Variants in NATD1 observed in about 807,000 individuals in gnomAD.
NATD1 encodes protein NATD1.
NATD1 carries 9 observed loss-of-function variants against 12.0 expected under a neutral mutation model. The ratio of observed to expected loss-of-function variants is 0.75; its 90% CI spans 0.45 to 1.30. The LOEUF (loss-of-function observed/expected upper bound fraction) is 1.30. Ranked by LOEUF, NATD1 falls within the 50% of genes most tolerant of loss-of-function variation. The pLI is 0.00. For synonymous variants in NATD1, 71 were observed against 65.9 expected, an observed-to-expected ratio of 1.08 and a Z score of -0.37; for missense variants, 148 against 148.5, an observed-to-expected ratio of 1.00 and a Z score of 0.02.
intron 2 of NATD1, among the ~76,000 whole-genome samples, chr17:21,243,815 C>G (rs920592851): frequency 6.6e-6 from 1 of 152,196 alleles, no homozygotes; most frequent in African/African-American, 2.4e-5. Context: ...CAAACCTGCT[C>G]TCCAGGCAGC....
intron 1 of NATD1, among the ~76,000 whole-genome samples, chr17:21,250,367 A>G (rs1465328432): frequency 6.6e-6 from 1 of 152,094 alleles, no homozygotes; most frequent in Non-Finnish European, 1.5e-5. Context: ...TCCTAGACAC[A>G]TGATTGTAAA....
At chr17:21,251,714 T>G (rs1975378425) in intron 1 of NATD1, among the ~76,000 whole-genome samples, 1 of 152,240 alleles carries the variant, frequency 6.6e-6, no homozygotes, top group African/African-American at 2.4e-5. Flanking sequence ...ATCGGAGATC[T>G]GGCAGAGGCC....
intron 1 of NATD1, among the ~76,000 whole-genome samples, chr17:21,246,929 G>C (rs1016963596): frequency 6.6e-6 from 1 of 152,198 alleles, no homozygotes; most frequent in African/African-American, 2.4e-5. Context: ...CAAACAAGCC[G>C]GGAGTGAGGG....
chr17:21,243,809 C>T (rs1370304532), intron 2 of NATD1, among the ~76,000 whole-genome samples: 1 of 152,166 alleles, frequency 6.6e-6, no homozygotes, highest in Non-Finnish European at 1.5e-5. Context: ...TAAGCCCAAA[C>T]CTGCTCTCCA....
At position 21,244,021 on chromosome 17, in the gene NATD1, C is replaced by T; in HGVS notation, c.225+85G>A. ...AGGGCCAAGAAGCAGGCTGAAGTGGCCACCAGGGCCACCGTCTCCTCGGAG... is the reference window on the plus strand; with the variant it reads ...AGGGCCAAGAAGCAGGCTGAAGTGGTCACCAGGGCCACCGTCTCCTCGGAG... On this transcript the variant is annotated intron_variant, in intron 2 of 2. Transcript: ENST00000611551. The surrounding 1 kb of genome is among the most constrained non-coding windows in gnomAD (Gnocchi z 5.2). The T allele has an allele frequency of 7.9e-7, 1 of 1,258,868 alleles. No homozygotes were observed. 78.0% of individuals were successfully genotyped at this position (1,258,868 alleles called of 1,614,324 possible).
rs1484215584 is a variant in NATD1 at position 21,245,130 on chromosome 17, G to A, written c.107-906C>T. Among the ~76,000 whole-genome samples, 4 of 152,264 alleles carry A rather than the reference G, an allele frequency of 2.6e-5. No homozygotes were observed. In the East Asian group the frequency reaches 7.7e-4, roughly 29 times the overall value. On this transcript the variant is annotated intron_variant, in intron 1 of 2. Coordinates refer to ENST00000611551, the MANE Select transcript of NATD1 (RefSeq NM_152914.3). ...GGGGCAGGTGAAGACAGGAAGGAGA[G>A]GGCACCAGCCATTCTGAGGGAACAG...
At chr17:21,250,736 T>A (rs1255800614) in intron 1 of NATD1, among the ~76,000 whole-genome samples, 1 of 152,170 alleles carries the variant, frequency 6.6e-6, no homozygotes, top group African/African-American at 2.4e-5. Flanking sequence ...TAGAACACTG[T>A]AAATGCTTAA....
In NATD1 at chr17:21,253,248, GC is replaced by G; in HGVS notation, c.16del (p.Ala6ProfsTer81). 1.0e-6 allele frequency: 1 copy of G among 996,872 alleles called. No individual in the cohort carries two copies. Among genetic ancestry groups the G allele is most frequent in the Non-Finnish European group, 1.2e-6 (1 of 838,920 alleles). 61.8% of individuals were successfully genotyped at this position (996,872 alleles called of 1,614,324 possible). Reference sequence around the variant, plus strand: ...CTCCAGCGCGCCCAGCGGCACGGCGGCAGCCGAGTGCGCCATCTGCGCGCGG... The same window carrying G: ...CTCCAGCGCGCCCAGCGGCACGGCGGAGCCGAGTGCGCCATCTGCGCGCGG... MAHSA[A>X]AVPLGALEQG... On this transcript the variant is annotated frameshift_variant, in exon 1 of 3. Transcript: ENST00000611551. LOFTEE classifies it high-confidence loss of function.
In NATD1 at chr17:21,244,697, G is replaced by C. The variant is rs529295137; in HGVS notation, c.107-473C>G. ...CGCCACGCATCAGGACCACCTGCTG[G>C]ACCCTGAGAGAGACGCAGCAGGAAA... On this transcript the variant is annotated intron_variant, in intron 1 of 2. Coordinates refer to ENST00000611551, the MANE Select transcript of NATD1 (RefSeq NM_152914.3). The surrounding 1 kb of genome is among the most constrained non-coding windows in gnomAD (Gnocchi z 5.2). 6.6e-6 allele frequency among the ~76,000 whole-genome samples: 1 copy of C among 152,312 alleles called. No individual in the cohort carries two copies. The highest frequency in any genetic ancestry group is 1.5e-5 in the Non-Finnish European group (1 of 68,040).
At position 21,239,138 on chromosome 17, in the gene NATD1, T is replaced by C. The variant is rs1975239683; in HGVS notation, c.*4175A>G. The C allele has an allele frequency of 6.6e-6, 1 of 152,082 alleles. No individual in the cohort carries two copies. Among genetic ancestry groups the C allele is most frequent in the Non-Finnish European group, 1.5e-5 (1 of 68,018 alleles). 9.4% of individuals were successfully genotyped at this position (152,082 alleles called of 1,614,324 possible). A position where few individuals can be genotyped will look rare whatever the true frequency, so the allele number is the denominator to read the frequency against. On this transcript the variant is annotated 3_prime_UTR_variant, in exon 3 of 3. Coordinates refer to ENST00000611551, the MANE Select transcript of NATD1 (RefSeq NM_152914.3). ...TGTGAGTACATGGTCAGGGGCTCCA[T>C]GAATATTCCTGCCTGCAACCCCAGC...
At chr17:21,248,059 G>A (rs532640570) in intron 1 of NATD1, among the ~76,000 whole-genome samples, 1 of 152,052 alleles carries the variant, frequency 6.6e-6, no homozygotes, top group African/African-American at 2.4e-5. Context: ...CGGTGGTGGT[G>A]GGGCTGTATG....
rs1273460231 is a variant in NATD1, at chr17:21,242,981, C to T, written c.*332G>A. 3 of 228,744 alleles carry T rather than the reference C, an allele frequency of 1.3e-5. No homozygotes were observed. The highest frequency in any genetic ancestry group is 1.0e-4 in the Admixed American group (2 of 19,252). 14.2% of individuals were successfully genotyped at this position (228,744 alleles called of 1,614,324 possible). A position where few individuals can be genotyped will look rare whatever the true frequency, so the allele number is the denominator to read the frequency against. The stretch of plus-strand genomic sequence containing the variant: ...GTGGCAGCAGGGGTCCCACACTGGC[C>T]CTCCTGCTGATCTCCAAGTGGAGCC... On this transcript the variant is annotated 3_prime_UTR_variant, in exon 3 of 3. Coordinates refer to ENST00000611551, the MANE Select transcript of NATD1 (RefSeq NM_152914.3).
intron 1 of NATD1, among the ~76,000 whole-genome samples, chr17:21,245,701 G>A (rs1399136988): frequency 1.3e-5 from 2 of 152,104 alleles, no homozygotes; most frequent in Admixed American, 6.5e-5. Flanking sequence ...CTGCTCCACC[G>A]ACACACCTGC....
chr17:21,249,749 G>C lies in NATD1; in HGVS notation c.106+3410C>G, dbSNP rs568947849. 1.3e-4 allele frequency among the ~76,000 whole-genome samples: 20 copies of C among 152,304 alleles called. No individual in the cohort carries two copies. The South Asian group carries it at 3.9e-3, about 30-fold the overall frequency. On this transcript the variant is annotated intron_variant, in intron 1 of 2. Coordinates refer to ENST00000611551, the MANE Select transcript of NATD1 (RefSeq NM_152914.3). ...TAAGGAAGGGGCTGCCCAGGAGGTG[G>C]GGGTCTCTTCCAGCTGCCTCCAACC...
Position 21,239,370 on chromosome 17 carries a change from C to A in NATD1, c.*3943G>T, listed in dbSNP as rs976050839. ...TGCCACCAAGAGGACGGGAGCTGGGCTGGGTCCTGAGCCCTTCTAGCGGTG... is the reference window on the plus strand; with the variant it reads ...TGCCACCAAGAGGACGGGAGCTGGGATGGGTCCTGAGCCCTTCTAGCGGTG... On this transcript the variant is annotated 3_prime_UTR_variant, in exon 3 of 3. Coordinates refer to ENST00000611551, the MANE Select transcript of NATD1 (RefSeq NM_152914.3). 6.6e-6 allele frequency: 1 copy of A among 152,120 alleles called. No homozygotes were observed. Among genetic ancestry groups the A allele is most frequent in the African/African-American group, 2.4e-5 (1 of 41,390 alleles). 9.4% of individuals were successfully genotyped at this position (152,120 alleles called of 1,614,324 possible). A position where few individuals can be genotyped will look rare whatever the true frequency, so the allele number is the denominator to read the frequency against.
chr17:21,243,485 A>G (rs2144357907), intron 2 of NATD1, 56 bp from the exon 3 acceptor site: 1 of 1,422,212 alleles, frequency 7.0e-7, no homozygotes, highest in Non-Finnish European at 9.8e-7. Flanking sequence ...ACCAGAAGGT[A>G]GCATTGTCTG....
intron 2 of NATD1, 54 bp from the exon 3 acceptor site, chr17:21,243,483 G>A: frequency 6.9e-7 from 1 of 1,449,358 alleles, no homozygotes; most frequent in Non-Finnish European, 9.6e-7. Context: ...GCACCAGAAG[G>A]TAGCATTGTC....
intron 1 of NATD1, among the ~76,000 whole-genome samples, chr17:21,247,670 G>C (rs1410807796): frequency 6.6e-6 from 1 of 152,208 alleles, no homozygotes; most frequent in Admixed American, 6.5e-5. Context: ...CCCTAAGCTT[G>C]CTCCTGTGGC....
chr17:21,245,304 T>C (rs573681604), intron 1 of NATD1, among the ~76,000 whole-genome samples: 10 of 152,260 alleles, frequency 6.6e-5, no homozygotes, highest in Admixed American at 2.0e-4. Context: ...TCCTAAGCCT[T>C]CTGAGCTGGG....
Sources: allele counts gnomAD v4.1 joint callset (sites outside exome capture counted in the v4.1 genomes callset), GRCh38; gene constraint gnomAD v4.1.1; non-coding constraint Gnocchi (gnomAD v3.1); transcripts MANE v1.5; gene names NCBI Gene and HGNC (gene_info 2026-07-23, HGNC 2026-07-21).